Variants in PIWIL2 observed in about 807,000 individuals in gnomAD.
PIWIL2 encodes piwi-like protein 2.
A neutral mutation model predicts 116.5 loss-of-function variants in PIWIL2; 81 were observed. The ratio of observed to expected loss-of-function variants is 0.70; its 90% confidence interval spans 0.58 to 0.84. The LOEUF (loss-of-function observed/expected upper bound fraction) is 0.84, where lower values mean the gene tolerates loss of function less well. Ranked by LOEUF, PIWIL2 falls within the 40% of genes least tolerant of loss-of-function variation. The pLI is 0.00. For missense variants in PIWIL2, 1,272 were observed against 1,212.3 expected (o/e 1.05, Z -0.73); for synonymous variants, 489 against 429.5 (o/e 1.14, Z -1.71).
chr8:22,321,641 A>G (rs1586577583), intron 20 of PIWIL2, among the ~76,000 whole-genome samples: 4 of 152,302 alleles, frequency 2.6e-5, no homozygotes, highest in African/African-American at 7.2e-5. Context: ...CCTTAAGCCT[A>G]GGAGTCCAGT....
chr8:22,355,543 G>T lies in PIWIL2; in HGVS notation c.*38G>T, dbSNP rs369374921. 2 of 1,596,934 alleles carry T rather than the reference G, an allele frequency of 1.3e-6. No individual in the cohort carries two copies. Among genetic ancestry groups the T allele is most frequent in the Admixed American group, 1.7e-5 (1 of 58,908 alleles). On this transcript the variant is annotated 3_prime_UTR_variant, in exon 23 of 23. Coordinates refer to ENST00000356766, the MANE Select transcript of PIWIL2 (RefSeq NM_018068.5). The stretch of plus-strand genomic sequence containing the variant: ...GAGATGGGCTGGTGAGAAGAAAGGC[G>T]GCCTCAGAACTCAGCTGTGACTCTT...
At position 22,284,145 on chromosome 8, in the gene PIWIL2, T is replaced by C. The variant is rs753238511; in HGVS notation, c.633-17T>C. On this transcript the variant is annotated splice_polypyrimidine_tract_variant and intron_variant, in intron 5 of 22. Coordinates refer to ENST00000356766, the MANE Select transcript of PIWIL2 (RefSeq NM_018068.5). Reference sequence around the variant, plus strand: ...TGTTTTTGATATATGCAGTTGCTTTTTGTTTTTATTTTCTAGAGAGCTTAT... The same window carrying C: ...TGTTTTTGATATATGCAGTTGCTTTCTGTTTTTATTTTCTAGAGAGCTTAT... 49 of 1,456,642 alleles carry C rather than the reference T, an allele frequency of 3.4e-5. No individual in the cohort carries two copies. The highest frequency in any genetic ancestry group is 4.5e-5 in the Non-Finnish European group (48 of 1,066,314). The allele number at this position is 1,456,642 out of a possible 1,614,324, so 90.2% of individuals were successfully genotyped here. A position where few individuals can be genotyped will look rare whatever the true frequency, so the allele number is the denominator to read the frequency against.
chr8:22,321,053 CTG>C (rs1385042316), intron 20 of PIWIL2, among the ~76,000 whole-genome samples: 1 of 152,162 alleles, frequency 6.6e-6, no homozygotes, highest in Non-Finnish European at 1.5e-5. Context: ...GTTTTGGTCT[CTG>C]TTTCTTTATC....
chr8:22,329,376 C>G (rs144453514), intron 20 of PIWIL2, among the ~76,000 whole-genome samples: 114 of 152,274 alleles, frequency 7.5e-4, no homozygotes, highest in Non-Finnish European at 1.4e-3. Flanking sequence ...ATGCTGGCAT[C>G]CACTCAGCTG....
chr8:22,303,860 T>G (rs565510341), intron 10 of PIWIL2, among the ~76,000 whole-genome samples, 161 bp from the exon 11 acceptor site: 2 of 152,310 alleles, frequency 1.3e-5, no homozygotes, highest in African/African-American at 4.8e-5. Context: ...ATTACAAGCG[T>G]GAGCCACTGC....
intron 4 of PIWIL2, among the ~76,000 whole-genome samples, chr8:22,281,812 C>T (rs530013866): frequency 7.0e-6 from 1 of 141,932 alleles, no homozygotes; most frequent in South Asian, 2.2e-4. Flanking sequence ...TGCTCTGTCT[C>T]CCAAGCTGGA....
At chr8:22,316,591 C>T (rs1472180247) in intron 19 of PIWIL2, among the ~76,000 whole-genome samples, 1 of 151,884 alleles carries the variant, frequency 6.6e-6, no homozygotes, top group Non-Finnish European at 1.5e-5. Flanking sequence ...AAGTGATTCT[C>T]CTGCCTCAGC....
chr8:22,328,822 T>G (rs1436464023), intron 20 of PIWIL2, among the ~76,000 whole-genome samples: 1 of 150,640 alleles, frequency 6.6e-6, no homozygotes, highest in East Asian at 1.9e-4. Flanking sequence ...CTAGTCGTTT[T>G]TTTTTTTTTT....
chr8:22,320,487 G>A (rs1390364944), intron 20 of PIWIL2, among the ~76,000 whole-genome samples: 1 of 151,334 alleles, frequency 6.6e-6, no homozygotes, highest in Non-Finnish European at 1.5e-5. Flanking sequence ...GGCCAGACTG[G>A]GCTGGTCTCG....
intron 10 of PIWIL2, among the ~76,000 whole-genome samples, chr8:22,300,771 G>A (rs1027462860): frequency 1.3e-5 from 2 of 152,134 alleles, no homozygotes; most frequent in Non-Finnish European, 2.9e-5. Flanking sequence ...ATCTTTTCCT[G>A]TGTGTACTTC....
intron 11 of PIWIL2, 34 bp downstream of exon 11, chr8:22,304,243 T>G: frequency 6.7e-7 from 1 of 1,493,392 alleles, no homozygotes; most frequent in Non-Finnish European, 9.3e-7. Context: ...GGCCTCAGGG[T>G]GGGGGTTGGA....
chr8:22,333,496 T>G (rs1167660826), intron 20 of PIWIL2, among the ~76,000 whole-genome samples: 1 of 151,870 alleles, frequency 6.6e-6, no homozygotes, highest in Non-Finnish European at 1.5e-5. Context: ...CCTGTAATCC[T>G]AGCTAGTCGG....
intron 10 of PIWIL2, among the ~76,000 whole-genome samples, chr8:22,293,325 G>A (rs765581119): frequency 1.3e-4 from 20 of 151,650 alleles, no homozygotes; most frequent in Non-Finnish European, 2.8e-4. Flanking sequence ...AACAGAACTA[G>A]TTTTTATTTT....
chr8:22,319,605 G>C (rs1277525741), intron 20 of PIWIL2, among the ~76,000 whole-genome samples: 1 of 152,200 alleles, frequency 6.6e-6, no homozygotes, highest in Non-Finnish European at 1.5e-5. Flanking sequence ...AAACTTAGTG[G>C]CATGAAATGA....
chr8:22,315,220 G>A (rs1048720014), intron 18 of PIWIL2, 75 bp downstream of exon 18: 3 of 835,856 alleles, frequency 3.6e-6, no homozygotes, highest in East Asian at 2.4e-5. Flanking sequence ...TTCCTTATTC[G>A]TTATGCTTCC....
chr8:22,279,378 A>G lies in PIWIL2; in HGVS notation c.-9A>G. On this transcript the variant is annotated 5_prime_UTR_variant, in exon 2 of 23. Coordinates refer to ENST00000356766, the MANE Select transcript of PIWIL2 (RefSeq NM_018068.5). Reference sequence around the variant, plus strand: ...AACAGGATCGACACGTGTTCTCTACAGCCCGTCCATGGATCCTTTCCGACC... The same window carrying G: ...AACAGGATCGACACGTGTTCTCTACGGCCCGTCCATGGATCCTTTCCGACC... 1 of 1,612,466 alleles carries G rather than the reference A, an allele frequency of 6.2e-7. No individual in the cohort carries two copies. Among genetic ancestry groups the G allele is most frequent in the Middle Eastern group, 1.6e-4 (1 of 6,062 alleles).
At chr8:22,298,918 A>T (rs1830977493) in intron 10 of PIWIL2, among the ~76,000 whole-genome samples, 1 of 152,200 alleles carries the variant, frequency 6.6e-6, no homozygotes, top group Admixed American at 6.5e-5. Context: ...TGGCTTATAG[A>T]AACAAGGGGA....
At chr8:22,291,039 G>A (rs747315147) in intron 10 of PIWIL2, among the ~76,000 whole-genome samples, 3 of 151,364 alleles carry the variant, frequency 2.0e-5, no homozygotes, top group Non-Finnish European at 2.9e-5. Context: ...TGCAATCTTG[G>A]CTCACTGCAC....
rs146515686 is a variant in PIWIL2, at chr8:22,319,030, C to T, written c.2403+755C>T. 2.6e-3 allele frequency among the ~76,000 whole-genome samples: 396 copies of T among 152,250 alleles called. 3 individuals carry two copies. Among genetic ancestry groups the T allele is most frequent in the African/African-American group, 9.1e-3 (378 of 41,550 alleles). Reference sequence around the variant, plus strand: ...AAAGAATGCTAACCATGGAGGATTGCTATAATTAAGCTGATACTGGATCTA... The same window carrying T: ...AAAGAATGCTAACCATGGAGGATTGTTATAATTAAGCTGATACTGGATCTA... On this transcript the variant is annotated intron_variant, in intron 20 of 22. Transcript: ENST00000356766.
Sources: allele counts gnomAD v4.1 joint callset (sites outside exome capture counted in the v4.1 genomes callset), GRCh38; gene constraint gnomAD v4.1.1; transcripts MANE v1.5; gene names NCBI Gene and HGNC (gene_info 2026-07-23, HGNC 2026-07-21).